ACBD6: variants seen among roughly 807,000 people sequenced by gnomAD.
The protein encoded by ACBD6 is acyl-CoA binding domain containing 6, also known as acyl-CoA-binding domain-containing protein 6.
Under a neutral mutation model 37.2 loss-of-function variants are expected in ACBD6, and 28 were observed. The observed-to-expected ratio is 0.75, with a 90% confidence interval of 0.56 to 1.03. The LOEUF (loss-of-function observed/expected upper bound fraction) is 1.03. Among genes scored for constraint, ACBD6 ranks in the 50% least tolerant of loss-of-function variants. The probability of loss-of-function intolerance (pLI) is 0.00; values close to 1 mark genes in which losing one functional copy is unlikely to be tolerated. For missense variants in ACBD6, 340 were observed against 337.4 expected (o/e 1.01, Z -0.06); for synonymous variants, 113 against 126.8 (o/e 0.89, Z 0.73).
downstream of ACBD6, among the ~76,000 whole-genome samples, chr1:180,285,272 T>C (rs960786191): frequency 1.3e-5 from 2 of 152,204 alleles, no homozygotes; most frequent in African/African-American, 4.8e-5. Flanking sequence ...TATGCCATTG[T>C]TTATAAAAGC....
chr1:180,338,219 G>T (rs1198094121), intron 6 of ACBD6, among the ~76,000 whole-genome samples: 4 of 152,138 alleles, frequency 2.6e-5, no homozygotes, highest in African/African-American at 7.2e-5. Flanking sequence ...AGCCCACATT[G>T]CCAAGTCAAT....
At chr1:180,311,774 C>T (rs918072389) in intron 7 of ACBD6, among the ~76,000 whole-genome samples, 1 of 152,128 alleles carries the variant, frequency 6.6e-6, no homozygotes, top group African/African-American at 2.4e-5. Flanking sequence ...AATCTTGGTT[C>T]AAATATCACA....
chr1:180,325,680 T>C (rs1288491579), intron 6 of ACBD6, among the ~76,000 whole-genome samples: 1 of 152,212 alleles, frequency 6.6e-6, no homozygotes, highest in Non-Finnish European at 1.5e-5. Flanking sequence ...TCTTCGCAAT[T>C]TGGGCACGTT....
At chr1:180,448,858 G>C (rs1649583324) in intron 3 of ACBD6, among the ~76,000 whole-genome samples, 1 of 152,212 alleles carries the variant, frequency 6.6e-6, no homozygotes, top group Admixed American at 6.5e-5. Context: ...TCTGGTAGCT[G>C]TTGGTGGTTT....
intron 6 of ACBD6, among the ~76,000 whole-genome samples, chr1:180,324,689 T>G (rs1651191605): frequency 6.6e-6 from 1 of 152,164 alleles, no homozygotes; most frequent in African/African-American, 2.4e-5. Context: ...ACCAGTGAGT[T>G]TTGTACCTTC....
intron 3 of ACBD6, among the ~76,000 whole-genome samples, chr1:180,488,151 G>A (rs1255225385): frequency 6.6e-6 from 1 of 152,010 alleles, no homozygotes; most frequent in African/African-American, 2.4e-5. Context: ...TGTAAAGAAA[G>A]AGAATGATAA....
intron 6 of ACBD6, among the ~76,000 whole-genome samples, chr1:180,323,778 T>C (rs1394000278): frequency 6.6e-6 from 1 of 152,100 alleles, no homozygotes; most frequent in East Asian, 1.9e-4. Context: ...ATTTTCAGTC[T>C]GTGTGTAACT....
At chr1:180,415,030 T>C (rs1020757057) in intron 4 of ACBD6, among the ~76,000 whole-genome samples, 6 of 151,706 alleles carry the variant, frequency 4.0e-5, no homozygotes, top group African/African-American at 9.7e-5. Flanking sequence ...TGAGCCGAGA[T>C]TGCGCCACTG....
At chr1:180,394,578 T>C (rs1265946972) in intron 6 of ACBD6, among the ~76,000 whole-genome samples, 1 of 152,092 alleles carries the variant, frequency 6.6e-6, no homozygotes, top group African/African-American at 2.4e-5. Context: ...GCTATAATAC[T>C]TAAAACAGTG....
intron 6 of ACBD6, among the ~76,000 whole-genome samples, chr1:180,329,032 T>C (rs822705): frequency 0.13 from 19,560 of 152,138 alleles, 1,297 homozygotes; most frequent in African/African-American, 0.16. Flanking sequence ...AAAAACATCA[T>C]CCCTGTAAAC....
At chr1:180,361,093 T>G (rs1487527993) in intron 6 of ACBD6, among the ~76,000 whole-genome samples, 1 of 152,150 alleles carries the variant, frequency 6.6e-6, no homozygotes, top group South Asian at 2.1e-4. Context: ...CAAGCCTTTT[T>G]TATTTATCCC....
intron 9 of ACBD6, chr1:180,275,544 T>A (rs930494200): frequency 6.6e-6 from 1 of 152,062 alleles, no homozygotes; most frequent in African/African-American, 2.4e-5. Context: ...CCTTGTAGGG[T>A]GAAATATTTG....
At chr1:180,270,002 C>T (rs954325503) in exon 14 of ACBD6, 2 of 152,260 alleles carry the variant, frequency 1.3e-5, no homozygotes, top group Non-Finnish European at 2.9e-5. Context: ...GTGTGTCCCC[C>T]CTCACTGTGT....
At chr1:180,490,846 A>T (rs1651468881) in intron 3 of ACBD6, among the ~76,000 whole-genome samples, 1 of 150,716 alleles carries the variant, frequency 6.6e-6, no homozygotes. Flanking sequence ...GTGCACCTAT[A>T]GTCCCAGAGG....
intron 5 of ACBD6, among the ~76,000 whole-genome samples, chr1:180,408,014 C>G (rs1647696275): frequency 6.6e-6 from 1 of 152,140 alleles, no homozygotes; most frequent in South Asian, 2.1e-4. Context: ...CAGACTGTCT[C>G]AACTGATCCA....
At chr1:180,338,677 T>G (rs558323373) in intron 6 of ACBD6, among the ~76,000 whole-genome samples, 9 of 152,038 alleles carry the variant, frequency 5.9e-5, no homozygotes, top group African/African-American at 2.2e-4. Context: ...AATTGACAAA[T>G]GGGATCTAAT....
chr1:180,328,600 TA>T (rs1011622916), intron 6 of ACBD6, among the ~76,000 whole-genome samples: 12 of 152,210 alleles, frequency 7.9e-5, no homozygotes, highest in Admixed American at 7.2e-4. Flanking sequence ...ACTTAAAATA[TA>T]AATTTTATTT....
intron 3 of ACBD6, among the ~76,000 whole-genome samples, chr1:180,432,930 C>A (rs1648868936): frequency 6.6e-6 from 1 of 151,070 alleles, no homozygotes; most frequent in South Asian, 2.1e-4. Context: ...AACTTCCCTA[C>A]AAAGAAAAGC....
At chr1:180,367,373 T>A (rs776077752) in intron 6 of ACBD6, among the ~76,000 whole-genome samples, 51 of 152,156 alleles carry the variant, frequency 3.4e-4, no homozygotes, top group Admixed American at 4.6e-4. Context: ...GGGGGATACA[T>A]TTCTTTCCTT....
Sources: gnomAD v4.1 joint callset for allele counts (sites outside exome capture counted in the v4.1 genomes callset) on GRCh38, gnomAD v4.1.1 for gene constraint, MANE v1.5 for transcripts, NCBI Gene and HGNC (gene_info 2026-07-23, HGNC 2026-07-21) for gene names.